STARD13: variants seen among roughly 807,000 people sequenced by gnomAD.
The protein encoded by STARD13 is StAR related lipid transfer domain containing 13.
Under a neutral mutation model 106.4 loss-of-function variants are expected in STARD13, and 62 were observed. That is an observed-to-expected ratio of 0.58 (90% CI 0.48 to 0.72). STARD13 has a LOEUF of 0.72. Among genes scored for constraint, STARD13 ranks in the 30% least tolerant of loss-of-function variants. STARD13 has a pLI of 0.00. For missense variants in STARD13, 1,387 were observed against 1,424.0 expected (o/e 0.97, Z 0.42); for synonymous variants, 565 against 553.0 (o/e 1.02, Z -0.31).
intron 1 of STARD13, among the ~76,000 whole-genome samples, chr13:33,198,454 T>C (rs993556296): frequency 5.9e-5 from 9 of 152,036 alleles, no homozygotes; most frequent in African/African-American, 2.2e-4. Context: ...TAAAGCCTCC[T>C]TCCTTCAGGT....
the STARD13 span, among the ~76,000 whole-genome samples, chr13:33,661,716 G>A: frequency 0.035 from 5,292 of 152,032 alleles, 304 homozygotes; most frequent in African/African-American, 0.12. Context: ...GGGAGAAACC[G>A]CCCCCATGAT....
At chr13:33,452,045 A>G in the STARD13 span, among the ~76,000 whole-genome samples, 1 of 152,200 alleles carries the variant, frequency 6.6e-6, no homozygotes, top group Non-Finnish European at 1.5e-5. Flanking sequence ...TGGCCTTAGG[A>G]GGTACCTTGA....
intron 1 of STARD13, among the ~76,000 whole-genome samples, chr13:33,249,232 A>C (rs1889978180): frequency 6.6e-6 from 1 of 152,244 alleles, no homozygotes; most frequent in Non-Finnish European, 1.5e-5. Context: ...ATCACTGGCC[A>C]CAAGCAGCTG....
chr13:33,113,026 C>G, intron 8 of STARD13, 95 bp from the exon 9 acceptor site: 1 of 900,668 alleles, frequency 1.1e-6, no homozygotes, highest in East Asian at 2.5e-5. Flanking sequence ...CGTGTGAACA[C>G]GCACCCAGAG....
chr13:33,246,572 A>G (rs955214836), intron 1 of STARD13, among the ~76,000 whole-genome samples: 1 of 152,206 alleles, frequency 6.6e-6, no homozygotes, highest in Non-Finnish European at 1.5e-5. Flanking sequence ...TTGAATAAAT[A>G]TTTGTTGAGC....
chr13:33,320,992 A>G (rs1466892678), intron 1 of STARD13, among the ~76,000 whole-genome samples: 1 of 152,226 alleles, frequency 6.6e-6, no homozygotes, highest in East Asian at 1.9e-4. Context: ...TCTAGATTTC[A>G]GAGACTATTA....
At chr13:33,268,117 G>A (rs9536935) in intron 1 of STARD13, among the ~76,000 whole-genome samples, 42,748 of 152,036 alleles carry the variant, frequency 0.28, 6,516 homozygotes, top group East Asian at 0.69. Context: ...GGACTTCTGG[G>A]GGTTGGTCTC....
the STARD13 span, among the ~76,000 whole-genome samples, chr13:33,527,496 T>C: frequency 1.3e-5 from 2 of 152,048 alleles, no homozygotes; most frequent in Admixed American, 6.6e-5. Context: ...AATAATAAAG[T>C]TCTCCTCCTA....
chr13:33,558,246 C>G, the STARD13 span, among the ~76,000 whole-genome samples: 12 of 152,096 alleles, frequency 7.9e-5, no homozygotes, highest in Admixed American at 3.3e-4. Context: ...AAGGTACATA[C>G]CTCTCTATGC....
intron 1 of STARD13, among the ~76,000 whole-genome samples, chr13:33,293,438 A>G (rs1892367002): frequency 6.6e-6 from 1 of 152,224 alleles, no homozygotes. Context: ...TTTTTAGGCA[A>G]TCATTATAGG....
the STARD13 span, among the ~76,000 whole-genome samples, chr13:33,427,823 T>A: frequency 8.6e-5 from 13 of 151,922 alleles, no homozygotes; most frequent in African/African-American, 3.1e-4. Context: ...GGCGTGGTGA[T>A]GCATGCCTGT....
At chr13:33,635,618 C>A in the STARD13 span, among the ~76,000 whole-genome samples, 1 of 150,672 alleles carries the variant, frequency 6.6e-6, no homozygotes, top group Non-Finnish European at 1.5e-5. Flanking sequence ...TGAGATTGTG[C>A]CACCGCACCA....
chr13:33,471,489 G>A, the STARD13 span, among the ~76,000 whole-genome samples: 3 of 152,108 alleles, frequency 2.0e-5, no homozygotes, highest in Non-Finnish European at 2.9e-5. Context: ...ACAATGCAAG[G>A]TTTACTTTCA....
intron 3 of STARD13, among the ~76,000 whole-genome samples, chr13:33,163,400 G>A (rs1882866158): frequency 6.6e-6 from 1 of 151,516 alleles, no homozygotes; most frequent in Non-Finnish European, 1.5e-5. Flanking sequence ...GACCAGCCTG[G>A]CCAACATGGT....
chr13:33,586,045 G>C, the STARD13 span, among the ~76,000 whole-genome samples: 2 of 152,136 alleles, frequency 1.3e-5, no homozygotes, highest in Non-Finnish European at 2.9e-5. Context: ...TGTATTTAAT[G>C]CCACTTAAGA....
the STARD13 span, among the ~76,000 whole-genome samples, chr13:33,635,622 C>T: frequency 1.5e-3 from 212 of 142,664 alleles, 1 homozygote; most frequent in African/African-American, 5.2e-3. Flanking sequence ...ATTGTGCCAC[C>T]GCACCACTCC....
rs149069963 is a variant in STARD13, at chr13:33,177,747, GAAA to G, written c.170-10128_170-10126del. Among the ~76,000 whole-genome samples, 512 of 91,176 alleles carry G rather than the reference GAAA, an allele frequency of 5.6e-3. 5 individuals carry two copies. The highest frequency in any genetic ancestry group is 7.7e-3 in the Non-Finnish European group (310 of 40,212). 59.8% of individuals were successfully genotyped at this position (91,176 alleles called of 152,430 possible). A position where few individuals can be genotyped will look rare whatever the true frequency, so the allele number is the denominator to read the frequency against. On this transcript the variant is annotated intron_variant, in intron 1 of 13. Transcript: ENST00000336934. ...GGGAGAAAGGGAGGGAGGAAGGAAG[GAAA>G]AAAGGAAGGAAGGAAGGAAAGGAAG...
the STARD13 span, among the ~76,000 whole-genome samples, chr13:33,560,648 T>A: frequency 6.6e-6 from 1 of 151,526 alleles, no homozygotes; most frequent in African/African-American, 2.4e-5. Flanking sequence ...TCAGAATACA[T>A]AACTTAAAAA....
chr13:33,640,626 G>C, the STARD13 span, among the ~76,000 whole-genome samples: 1 of 152,158 alleles, frequency 6.6e-6, no homozygotes. Flanking sequence ...TTACTTGTGA[G>C]AATCTTCAGA....
Sources: gnomAD v4.1 joint callset for allele counts (sites outside exome capture counted in the v4.1 genomes callset) on GRCh38, gnomAD v4.1.1 for gene constraint, MANE v1.5 for transcripts, NCBI Gene and HGNC (gene_info 2026-07-23, HGNC 2026-07-21) for gene names.